Variants in WNK2 observed in about 807,000 individuals in gnomAD.
WNK2 encodes WNK lysine deficient protein kinase 2.
WNK2 carries 67 observed loss-of-function variants against 192.1 expected under a neutral mutation model. That is an observed-to-expected ratio of 0.35 (90% CI 0.29 to 0.43). The LOEUF (loss-of-function observed/expected upper bound fraction) is 0.43. Among genes scored for constraint, WNK2 ranks in the 20% least tolerant of loss-of-function variants. The pLI, the probability that WNK2 is intolerant of heterozygous loss-of-function variation, is 1.00. For missense variants in WNK2, 2,698 were observed against 3,089.7 expected, an observed-to-expected ratio of 0.87 and a Z score of 3.01; for synonymous variants, 1,439 against 1,393.9, an observed-to-expected ratio of 1.03 and a Z score of -0.72.
At chr9:93,225,266 T>A (rs1837615334) in intron 2 of WNK2, among the ~76,000 whole-genome samples, 1 of 152,096 alleles carries the variant, frequency 6.6e-6, no homozygotes. Context: ...CGTGGTAGCA[T>A]GTGCCTGTAG....
chr9:93,199,609 A>C (rs1337111360), intron 2 of WNK2, among the ~76,000 whole-genome samples: 1 of 152,176 alleles, frequency 6.6e-6, no homozygotes, highest in Non-Finnish European at 1.5e-5. Flanking sequence ...TGAAAACACA[A>C]AGCTGTGGGC....
rs771680226 is a variant in WNK2 at position 93,289,260 on chromosome 9, C to A, written c.4506C>A (p.Ala1502=). 1.2e-6 allele frequency: 2 copies of A among 1,602,518 alleles called. No individual in the cohort carries two copies. Among genetic ancestry groups the A allele is most frequent in the East Asian group, 2.3e-5 (1 of 44,426 alleles). ...GTCAACCTGCTCCCCTGCTTCCTGC[C>A]GCAGTGGGGGCCGTCAGCCTGGCCA... ...ALGQPAPLLP[A]AVGAVSLATS... Residue 1502 remains alanine, a synonymous_variant, in exon 20 of 30, where the codon GCC becomes GCA. Coordinates refer to ENST00000427277, the MANE Select transcript of WNK2 (RefSeq NM_006648.4).
At chr9:93,196,687 A>C (rs558618812) in intron 2 of WNK2, among the ~76,000 whole-genome samples, 1 of 152,172 alleles carries the variant, frequency 6.6e-6, no homozygotes, top group African/African-American at 2.4e-5. Context: ...TGTGTGGCCA[A>C]CTGTAACTGT....
intron 7 of WNK2, among the ~76,000 whole-genome samples, chr9:93,244,889 T>A (rs936265854): frequency 6.6e-6 from 1 of 152,178 alleles, no homozygotes; most frequent in Admixed American, 6.5e-5. Flanking sequence ...GGTGCCTGGT[T>A]TCTCCTCCTT....
chr9:93,274,352 AG>A (rs1347570321), intron 19 of WNK2, among the ~76,000 whole-genome samples: 1 of 152,086 alleles, frequency 6.6e-6, no homozygotes, highest in Non-Finnish European at 1.5e-5. Flanking sequence ...CTCTACTAAA[AG>A]TACAAAAAAT....
intron 2 of WNK2, among the ~76,000 whole-genome samples, chr9:93,217,600 G>A (rs987613313): frequency 7.9e-5 from 12 of 152,186 alleles, no homozygotes; most frequent in Admixed American, 6.5e-5. Flanking sequence ...GGGCAGGGGG[G>A]CCTAACCTCA....
At chr9:93,238,395 T>A in intron 6 of WNK2, 74 bp downstream of exon 6, 1 of 1,406,454 alleles carries the variant, frequency 7.1e-7, no homozygotes, top group South Asian at 1.2e-5. Context: ...TTGAGAGCTG[T>A]GTTCTTGATG....
intron 5 of WNK2, among the ~76,000 whole-genome samples, chr9:93,237,472 G>A (rs1309735871): frequency 1.3e-5 from 2 of 152,084 alleles, no homozygotes; most frequent in African/African-American, 4.8e-5. Context: ...ATTCAGATGG[G>A]CTTTTCATCT....
chr9:93,200,640 C>T (rs1462895912), intron 2 of WNK2, among the ~76,000 whole-genome samples: 1 of 152,174 alleles, frequency 6.6e-6, no homozygotes, highest in African/African-American at 2.4e-5. Context: ...AAACTGAGCC[C>T]AGAGGATGCC....
At chr9:93,193,938 C>A (rs896442174) in intron 2 of WNK2, among the ~76,000 whole-genome samples, 7 of 152,164 alleles carry the variant, frequency 4.6e-5, no homozygotes, top group Admixed American at 3.9e-4. Flanking sequence ...AATAGCAAGC[C>A]CGGAAATAGA....
At chr9:93,317,956 C>T in intron 29 of WNK2, 2 of 1,612,276 alleles carry the variant, frequency 1.2e-6, no homozygotes, top group Non-Finnish European at 1.7e-6. Flanking sequence ...GCACAGCACT[C>T]AGCCGCGAGG....
At chr9:93,202,656 C>T (rs2131298685) in intron 2 of WNK2, among the ~76,000 whole-genome samples, 1 of 151,386 alleles carries the variant, frequency 6.6e-6, no homozygotes, top group East Asian at 2.0e-4. Flanking sequence ...GGGGCTGGGG[C>T]AGGTGGCATG....
rs528769106 is a variant in WNK2, at chr9:93,222,642, CTT to C, written c.682-7051_682-7050del. ...TGTGACTCCTCACACTCCTTGGCCA[CTT>C]TTATTTGGTGGTGTCGGGAAAAATG... On this transcript the variant is annotated intron_variant, in intron 2 of 29. Transcript: ENST00000427277. 9.7e-4 allele frequency among the ~76,000 whole-genome samples: 148 copies of C among 152,232 alleles called. 1 individual carries two copies. The highest frequency in any genetic ancestry group is 3.4e-3 in the Middle Eastern group (1 of 294).
In WNK2 at chr9:93,259,489, C is replaced by T. The variant is rs770000402; in HGVS notation, c.2941C>T (p.Pro981Ser). 2 of 1,518,188 alleles carry T rather than the reference C, an allele frequency of 1.3e-6. No individual in the cohort carries two copies. Among genetic ancestry groups the T allele is most frequent in the Admixed American group, 1.8e-5 (1 of 54,434 alleles). The allele number at this position is 1,518,188 out of a possible 1,614,324, so 94.0% of individuals were successfully genotyped here. The change falls in exon 12 of 30, where the codon CCC becomes TCC. Residue 981 changes from proline (P) to serine (S), a missense_variant. Physicochemically the swap from Pro to Ser is moderately conservative, Grantham distance 74. Transcript: ENST00000427277. The surrounding 1 kb of genome is among the most constrained non-coding windows in gnomAD (Gnocchi z 4.8). ...CACACGGCCCCCTCAACCTGTGCTGCCCCCGCAACCCATGCTGCCCCCACA... is the reference window on the plus strand; with the variant it reads ...CACACGGCCCCCTCAACCTGTGCTGTCCCCGCAACCCATGCTGCCCCCACA... The part of the protein sequence containing the change: ...QPTRPPQPVL[P>S]PQPMLPPQPV...
chr9:93,224,459 C>T (rs561136193), intron 2 of WNK2, among the ~76,000 whole-genome samples: 5 of 152,276 alleles, frequency 3.3e-5, no homozygotes, highest in African/African-American at 1.2e-4. Context: ...ATGTGTTTCC[C>T]AGGTGTCCTG....
At chr9:93,315,077 G>A (rs1854376105) in intron 28 of WNK2, among the ~76,000 whole-genome samples, 1 of 152,172 alleles carries the variant, frequency 6.6e-6, no homozygotes, top group Non-Finnish European at 1.5e-5. Flanking sequence ...CCAGCCCTCA[G>A]CACCATTGCC....
At chr9:93,289,842 C>A in intron 20 of WNK2, 136 bp from the exon 21 acceptor site, 1 of 939,362 alleles carries the variant, frequency 1.1e-6, no homozygotes, top group Non-Finnish European at 1.6e-6. Context: ...GGTGACTCAG[C>A]CCCATCCATG....
At chr9:93,266,892 T>C (rs2133161598) in intron 16 of WNK2, 1 of 152,460 alleles carries the variant, frequency 6.6e-6, no homozygotes, top group Non-Finnish European at 1.5e-5. Flanking sequence ...GGAGGTGCCA[T>C]GGCAGGAAAG....
chr9:93,259,172 C>A lies in WNK2; in HGVS notation c.2624C>A (p.Thr875Asn). The A allele has an allele frequency of 1.2e-6, 2 of 1,612,628 alleles. No individual in the cohort carries two copies. Among genetic ancestry groups the A allele is most frequent in the Non-Finnish European group, 1.7e-6 (2 of 1,179,716 alleles). Residue 875 changes from threonine (T) to asparagine (N), a missense_variant, in exon 12 of 30, where the codon ACC (threonine) becomes AAC (asparagine). Around this residue, in one of 7 missense-constraint regions of WNK2, gnomAD observed 893 missense variants for 909.0 expected, o/e 0.98. Coordinates refer to ENST00000427277, the MANE Select transcript of WNK2 (RefSeq NM_006648.4). The surrounding 1 kb of genome is among the most constrained non-coding windows in gnomAD (Gnocchi z 4.8). ...GCGCCCCTGGCCATGCCCTGCCGGACCATTGTGCCAAATGCACCGGCCACT... is the reference window on the plus strand; with the variant it reads ...GCGCCCCTGGCCATGCCCTGCCGGAACATTGTGCCAAATGCACCGGCCACT... ...PGAPLAMPCR[T>N]IVPNAPATIP...
Sources: allele counts gnomAD v4.1 joint callset (sites outside exome capture counted in the v4.1 genomes callset), GRCh38; gene constraint gnomAD v4.1.1; regional missense constraint gnomAD v4.1.1; non-coding constraint Gnocchi (gnomAD v3.1); transcripts MANE v1.5; gene names NCBI Gene and HGNC (gene_info 2026-07-23, HGNC 2026-07-21).